PAK5: variants seen among roughly 807,000 people sequenced by gnomAD.
PAK5 encodes the protein serine/threonine-protein kinase PAK 5.
A neutral mutation model predicts 65.9 loss-of-function variants in PAK5; 16 were observed. The observed-to-expected ratio is 0.24, with a 90% CI of 0.16 to 0.37. The LOEUF (loss-of-function observed/expected upper bound fraction) is 0.37. Ranked by LOEUF, PAK5 falls within the 10% of genes least tolerant of loss-of-function variation. The pLI is 1.00. For synonymous variants in PAK5, 371 were observed against 354.9 expected (o/e 1.05, Z -0.51); for missense variants, 785 against 903.9 (o/e 0.87, Z 1.69).
chr20:9,766,147 G>A (rs781483802), intron 1 of PAK5, among the ~76,000 whole-genome samples: 5 of 151,272 alleles, frequency 3.3e-5, no homozygotes, highest in Admixed American at 6.6e-5. Context: ...ACTTGAACCC[G>A]GAAGGCAGAG....
At chr20:9,629,689 AGCC>A (rs1030207239) in intron 3 of PAK5, among the ~76,000 whole-genome samples, 21 of 152,332 alleles carry the variant, frequency 1.4e-4, no homozygotes, top group Middle Eastern at 3.4e-3. Flanking sequence ...GACCTCACAT[AGCC>A]TTAATTACTT....
intron 2 of PAK5, among the ~76,000 whole-genome samples, chr20:9,659,791 C>G (rs903024442): frequency 2.0e-4 from 30 of 152,202 alleles, no homozygotes; most frequent in African/African-American, 7.2e-4. Flanking sequence ...TGGATATTGC[C>G]TTGTCCCCAA....
At chr20:9,708,144 C>T (rs6118707) in intron 2 of PAK5, among the ~76,000 whole-genome samples, 51,987 of 151,970 alleles carry the variant, frequency 0.34, 9,706 homozygotes, top group South Asian at 0.51. Flanking sequence ...CTAAATAGTG[C>T]CTGCTGACTT....
intron 3 of PAK5, 61 bp downstream of exon 3, chr20:9,644,064 G>A: frequency 8.2e-7 from 1 of 1,222,060 alleles, no homozygotes; most frequent in Non-Finnish European, 1.2e-6. Flanking sequence ...TAAAGCTGAT[G>A]CAGTGCATTA....
At chr20:9,825,700 T>C (rs1462788199) in intron 1 of PAK5, among the ~76,000 whole-genome samples, 4 of 152,234 alleles carry the variant, frequency 2.6e-5, no homozygotes, top group African/African-American at 7.2e-5. Flanking sequence ...CTCTAAACTC[T>C]ATACTTTTAA....
At chr20:9,593,128 CT>C (rs987532661) in intron 3 of PAK5, among the ~76,000 whole-genome samples, 6 of 150,784 alleles carry the variant, frequency 4.0e-5, no homozygotes, top group Admixed American at 1.3e-4. Context: ...AGCTAGATCC[CT>C]TTTTTTTTCT....
intron 3 of PAK5, among the ~76,000 whole-genome samples, chr20:9,615,497 C>T (rs2123160846): frequency 6.6e-6 from 1 of 152,264 alleles, no homozygotes; most frequent in Admixed American, 6.5e-5. Context: ...AAAGCAAAGT[C>T]TATTAAAGAA....
chr20:9,596,892 G>A (rs1445996584), intron 3 of PAK5, among the ~76,000 whole-genome samples: 1 of 152,124 alleles, frequency 6.6e-6, no homozygotes, highest in Non-Finnish European at 1.5e-5. Flanking sequence ...TTAAACAGCA[G>A]ACTCCAAGGG....
At chr20:9,618,976 G>A (rs2123176953) in intron 3 of PAK5, among the ~76,000 whole-genome samples, 1 of 122,062 alleles carries the variant, frequency 8.2e-6, no homozygotes, top group Non-Finnish European at 1.6e-5. Context: ...AGGCTGGAGT[G>A]CAGTGATGGG....
At chr20:9,832,566 C>T (rs1978810211) in intron 1 of PAK5, among the ~76,000 whole-genome samples, 1 of 152,178 alleles carries the variant, frequency 6.6e-6, no homozygotes, top group Non-Finnish European at 1.5e-5. Context: ...AGCCACCGTG[C>T]CTGGCAGACA....
At chr20:9,661,888 A>G (rs564135595) in intron 2 of PAK5, among the ~76,000 whole-genome samples, 40 of 152,170 alleles carry the variant, frequency 2.6e-4, no homozygotes, top group Non-Finnish European at 4.3e-4. Flanking sequence ...CACAAAAGGT[A>G]GCACAGTGAA....
At chr20:9,662,060 C>T (rs1453346523) in intron 2 of PAK5, among the ~76,000 whole-genome samples, 1 of 152,148 alleles carries the variant, frequency 6.6e-6, no homozygotes. Context: ...AGGTCTTTTA[C>T]TATGATTCTT....
At chr20:9,745,768 G>A (rs752806982) in intron 1 of PAK5, among the ~76,000 whole-genome samples, 5 of 151,914 alleles carry the variant, frequency 3.3e-5, no homozygotes, top group East Asian at 1.9e-4. Flanking sequence ...ATGTAGTAAC[G>A]TTTTAAATGA....
intron 3 of PAK5, among the ~76,000 whole-genome samples, chr20:9,617,330 G>A (rs1007327672): frequency 6.6e-6 from 1 of 152,114 alleles, no homozygotes; most frequent in African/African-American, 2.4e-5. Context: ...TAGCCCAGTG[G>A]TTCTCAAAGA....
chr20:9,545,121 CA>C, intron 7 of PAK5, among the ~76,000 whole-genome samples: 1 of 152,260 alleles, frequency 6.6e-6, no homozygotes, highest in East Asian at 1.9e-4. Flanking sequence ...AGTGGAAACA[CA>C]GGCATAGAAC....
At chr20:9,713,889 T>C (rs2048109212) in intron 1 of PAK5, among the ~76,000 whole-genome samples, 1 of 151,988 alleles carries the variant, frequency 6.6e-6, no homozygotes, top group African/African-American at 2.4e-5. Flanking sequence ...GAGAAGTTGA[T>C]TAATGAGTAC....
At chr20:9,575,147 A>G (rs944037800) in intron 4 of PAK5, among the ~76,000 whole-genome samples, 2 of 152,218 alleles carry the variant, frequency 1.3e-5, no homozygotes, top group Admixed American at 6.5e-5. Flanking sequence ...TGTTGACCCC[A>G]GAAGGAAGTG....
intron 3 of PAK5, among the ~76,000 whole-genome samples, chr20:9,618,349 G>A (rs1436170557): frequency 6.6e-6 from 1 of 150,954 alleles, no homozygotes; most frequent in African/African-American, 2.4e-5. Context: ...CCCCTGCCCA[G>A]TGTTATTGCT....
chr20:9,601,737 T>C (rs1440123679), intron 3 of PAK5, among the ~76,000 whole-genome samples: 1 of 152,036 alleles, frequency 6.6e-6, no homozygotes, highest in Admixed American at 6.6e-5. Flanking sequence ...GGCTATTATA[T>C]ATATCGACTG....
Sources: allele counts gnomAD v4.1 joint callset (sites outside exome capture counted in the v4.1 genomes callset), GRCh38; gene constraint gnomAD v4.1.1; transcripts MANE v1.5; gene names NCBI Gene and HGNC (gene_info 2026-07-23, HGNC 2026-07-21).